MED26: variants seen among roughly 807,000 people sequenced by gnomAD.
MED26 encodes the protein mediator complex subunit 26, also known as mediator of RNA polymerase II transcription subunit 26.
MED26 carries 7 observed loss-of-function variants against 43.7 expected under a neutral mutation model. The ratio of observed to expected loss-of-function variants is 0.16; its 90% confidence interval spans 0.09 to 0.30. The LOEUF is 0.30. MED26 is among the 10% of genes least tolerant of loss of function. The pLI, the probability that MED26 is intolerant of heterozygous loss-of-function variation, is 1.00. For missense variants in MED26, 784 were observed against 840.6 expected, an observed-to-expected ratio of 0.93 and a Z score of 0.83; for synonymous variants, 375 against 371.1, an observed-to-expected ratio of 1.01 and a Z score of -0.12.
rs1258301960 is a variant in MED26 at position 16,576,048 on chromosome 19, C to A, written c.1782G>T (p.Leu594=). The change falls in exon 3 of 3, where the codon CTG becomes CTT. Residue 594 remains leucine (L), a synonymous_variant. Coordinates refer to ENST00000263390, the MANE Select transcript of MED26 (RefSeq NM_004831.5). The surrounding 1 kb of genome is among the most constrained non-coding windows in gnomAD (Gnocchi z 6.8). ...CCGGTCAGTCCAAGCAGACATAAGGCAGAATGTTCAAGCGCCCGTCGTCGC... is the reference window on the plus strand; with the variant it reads ...CCGGTCAGTCCAAGCAGACATAAGGAAGAATGTTCAAGCGCCCGTCGTCGC... ...PHGDDGRLNI[L]PYVCLD The A allele has an allele frequency of 6.2e-7, 1 of 1,613,296 alleles. No homozygotes were observed.
chr19:16,592,151 G>C (rs560264799), intron 1 of MED26, among the ~76,000 whole-genome samples: 21 of 152,198 alleles, frequency 1.4e-4, no homozygotes, highest in Non-Finnish European at 2.8e-4. Flanking sequence ...CCAATCAGAG[G>C]CTCCCTGGTA....
chr19:16,575,722 G>T lies in MED26; in HGVS notation c.*305C>A. On this transcript the variant is annotated 3_prime_UTR_variant, in exon 3 of 3. Transcript: ENST00000263390. The stretch of plus-strand genomic sequence containing the variant: ...CTGGAAAGTGTCCGCACCTCTTTGG[G>T]GGTGAGGGACTAACGCTTTTTATAG... 2 of 353,136 alleles carry T rather than the reference G, an allele frequency of 5.7e-6. No homozygotes were observed. Among genetic ancestry groups the T allele is most frequent in the East Asian group, 5.3e-5 (1 of 18,882 alleles). The allele number at this position is 353,136 out of a possible 1,614,324, so 21.9% of individuals were successfully genotyped here.
chr19:16,607,816 G>A lies in MED26; in HGVS notation c.72+20056C>T, dbSNP rs373665359. On this transcript the variant is annotated intron_variant, in intron 1 of 2. Coordinates refer to ENST00000263390, the MANE Select transcript of MED26 (RefSeq NM_004831.5). ...AATCCTTCTTCCAATGTGGCTCAGAGAAGCCAAAAGATTGGACACCCCGAT... is the reference window on the plus strand; with the variant it reads ...AATCCTTCTTCCAATGTGGCTCAGAAAAGCCAAAAGATTGGACACCCCGAT... Among the ~76,000 whole-genome samples, 76 of 152,310 alleles carry A rather than the reference G, an allele frequency of 5.0e-4. 1 individual carries two copies. Among genetic ancestry groups the A allele is most frequent in the African/African-American group, 1.8e-3 (73 of 41,558 alleles).
chr19:16,616,641 T>C (rs2086227497), intron 1 of MED26, among the ~76,000 whole-genome samples: 2 of 152,118 alleles, frequency 1.3e-5, no homozygotes, highest in Non-Finnish European at 2.9e-5. Context: ...GTATCCACTT[T>C]GGAGTGGGCT....
At chr19:16,627,028 G>A (rs556575671) in intron 1 of MED26, among the ~76,000 whole-genome samples, 1 of 150,748 alleles carries the variant, frequency 6.6e-6, no homozygotes, top group South Asian at 2.1e-4. Context: ...CGACACTCTG[G>A]AGTTAACCCC....
Position 16,577,546 on chromosome 19 carries a change from C to G in MED26, c.284G>C (p.Arg95Pro), listed in dbSNP as rs375492411. ...EPAHQHEAAL[R>P]GLAGATGSAN... ...AGAGCCGGTGGCCCCCGCCAGCCCC[C>G]GCAGCGCCGCCTCATGCTGGTGTGC... Residue 95 changes from arginine to proline, a missense_variant, in exon 3 of 3, where the codon CGG (arginine) becomes CCG (proline). Arg to Pro is a moderately radical substitution (Grantham distance 103). Transcript: ENST00000263390. This position sits in a 1 kb window ranked among gnomAD's most constrained non-coding sequence, Gnocchi z 8.1. The G allele has an allele frequency of 2.5e-6, 4 of 1,607,634 alleles. No individual in the cohort carries two copies. The highest frequency in any genetic ancestry group is 1.3e-5 in the African/African-American group (1 of 74,764).
At chr19:16,627,699 C>A (rs548527498) in intron 1 of MED26, among the ~76,000 whole-genome samples, 173 bp downstream of exon 1, 1 of 152,328 alleles carries the variant, frequency 6.6e-6, no homozygotes, top group South Asian at 2.1e-4. Context: ...GCCGGGCTGC[C>A]CGACCTGCCC....
intron 1 of MED26, chr19:16,578,916 C>G (rs2086028797): frequency 6.4e-6 from 1 of 155,348 alleles, no homozygotes. Context: ...GCCTGGCCAA[C>G]ACAGTGAAAC....
chr19:16,602,194 C>A (rs2086153020), intron 1 of MED26, among the ~76,000 whole-genome samples: 1 of 152,222 alleles, frequency 6.6e-6, no homozygotes, highest in African/African-American at 2.4e-5. Flanking sequence ...TCTGGGACAC[C>A]AGTACATCAC....
At chr19:16,624,415 C>G (rs1308969574) in intron 1 of MED26, 1 of 152,234 alleles carries the variant, frequency 6.6e-6, no homozygotes, top group Admixed American at 6.5e-5. Context: ...CCGCTCAGAG[C>G]CTGGCAGCTG....
At chr19:16,608,665 C>T (rs1408838970) in intron 1 of MED26, among the ~76,000 whole-genome samples, 1 of 152,184 alleles carries the variant, frequency 6.6e-6, no homozygotes, top group African/African-American at 2.4e-5. Context: ...TTCACATTGA[C>T]ATAAATTAAC....
At chr19:16,603,551 C>T (rs183215719) in intron 1 of MED26, among the ~76,000 whole-genome samples, 2 of 152,200 alleles carry the variant, frequency 1.3e-5, no homozygotes, top group East Asian at 1.9e-4. Context: ...ATGCTAATAC[C>T]ACATCTGCAG....
intron 1 of MED26, among the ~76,000 whole-genome samples, chr19:16,619,919 G>A (rs763467039): frequency 1.3e-5 from 2 of 152,240 alleles, no homozygotes. Context: ...GGAATGCCAT[G>A]TTTTGTCACA....
intron 1 of MED26, among the ~76,000 whole-genome samples, chr19:16,618,449 C>T (rs754523335): frequency 6.6e-6 from 1 of 152,186 alleles, no homozygotes; most frequent in African/African-American, 2.4e-5. Flanking sequence ...AGCGTGACAG[C>T]GAGGTCCCCA....
At chr19:16,582,121 G>A (rs959144774) in intron 1 of MED26, among the ~76,000 whole-genome samples, 6 of 152,266 alleles carry the variant, frequency 3.9e-5, no homozygotes, top group Non-Finnish European at 8.8e-5. Flanking sequence ...TGTGTGTTGT[G>A]TAAGACACAG....
At position 16,576,827 on chromosome 19, in the gene MED26, C is replaced by T; in HGVS notation, c.1003G>A (p.Ala335Thr). ...TCAAGCCAGCACACTGGGCTTTCCG[C>T]ACTGGGCAGCAGCTCGAGCCGCCGT... ...PVRRLELLPS[A>T]ESPVCWLEQP... is the part of the protein sequence containing the mutation. Residue 335 changes from alanine to threonine, a missense_variant, in exon 3 of 3, where the codon GCG (alanine) becomes ACG (threonine). Coordinates refer to ENST00000263390, the MANE Select transcript of MED26 (RefSeq NM_004831.5). This position sits in a 1 kb window ranked among gnomAD's most constrained non-coding sequence, Gnocchi z 6.8. 6.2e-7 allele frequency: 1 copy of T among 1,609,706 alleles called. No individual in the cohort carries two copies.
At chr19:16,592,833 T>C (rs1472441849) in intron 1 of MED26, among the ~76,000 whole-genome samples, 1 of 152,228 alleles carries the variant, frequency 6.6e-6, no homozygotes, top group Non-Finnish European at 1.5e-5. Flanking sequence ...ATGGCTGTCT[T>C]GGTTCCAATC....
At chr19:16,583,192 A>T (rs1050829073) in intron 1 of MED26, among the ~76,000 whole-genome samples, 5 of 152,260 alleles carry the variant, frequency 3.3e-5, no homozygotes, top group African/African-American at 1.2e-4. Flanking sequence ...TGTCAGGAAT[A>T]GCCTGGCACA....
intron 1 of MED26, among the ~76,000 whole-genome samples, chr19:16,617,322 T>G (rs2086230837): frequency 6.6e-6 from 1 of 152,192 alleles, no homozygotes; most frequent in Admixed American, 6.5e-5. Flanking sequence ...GGGCACATGC[T>G]GTTTCTGTCT....
Sources: allele counts gnomAD v4.1 joint callset (sites outside exome capture counted in the v4.1 genomes callset), GRCh38; gene constraint gnomAD v4.1.1; non-coding constraint Gnocchi (gnomAD v3.1); transcripts MANE v1.5; gene names NCBI Gene and HGNC (gene_info 2026-07-23, HGNC 2026-07-21).